The following HOMER1 variants were observed in gnomAD, a reference collection of about 807,000 sequenced individuals.
HOMER1 encodes homer scaffold protein 1.
HOMER1 carries 3 observed loss-of-function variants against 48.9 expected under a neutral mutation model. The ratio of observed to expected loss-of-function variants is 0.06; its 90% CI spans 0.03 to 0.16. The LOEUF (loss-of-function observed/expected upper bound fraction) is 0.16, where lower values mean the gene tolerates loss of function less well. Among genes scored for constraint, HOMER1 ranks in the 10% least tolerant of loss-of-function variants. The probability of loss-of-function intolerance (pLI) is 1.00; values close to 1 mark genes in which losing one functional copy is unlikely to be tolerated. For synonymous variants in HOMER1, 134 were observed against 146.4 expected (o/e 0.92, Z 0.61); for missense variants, 247 against 411.4 (o/e 0.60, Z 3.46).
intron 8 of HOMER1, among the ~76,000 whole-genome samples, chr5:79,396,216 A>G (rs1055083479): frequency 2.6e-5 from 4 of 152,134 alleles, no homozygotes; most frequent in African/African-American, 9.7e-5. Flanking sequence ...AAAATTAATT[A>G]CACTGAAGAA....
intron 1 of HOMER1, among the ~76,000 whole-genome samples, chr5:79,489,904 A>G (rs894501397): frequency 2.0e-5 from 3 of 152,188 alleles, no homozygotes; most frequent in Non-Finnish European, 4.4e-5. Flanking sequence ...CAAGATCTAT[A>G]AAGACTGACT....
At chr5:79,484,645 G>C (rs1378471382) in intron 1 of HOMER1, among the ~76,000 whole-genome samples, 2 of 152,146 alleles carry the variant, frequency 1.3e-5, no homozygotes, top group Non-Finnish European at 1.5e-5. Context: ...AAACCATTTT[G>C]AAGACCACCT....
chr5:79,505,134 C>G (rs536293896), intron 1 of HOMER1, among the ~76,000 whole-genome samples: 1 of 152,186 alleles, frequency 6.6e-6, no homozygotes, highest in East Asian at 1.9e-4. Context: ...GGTGGTGCAC[C>G]TGTAGTCCCA....
chr5:79,433,966 T>C (rs138222004), intron 5 of HOMER1, among the ~76,000 whole-genome samples: 511 of 152,296 alleles, frequency 3.4e-3, no homozygotes, highest in Non-Finnish European at 4.5e-3. Context: ...AGAAGGTACA[T>C]GCAATATCCC....
intron 3 of HOMER1, 63 bp from the exon 4 acceptor site, chr5:79,447,208 C>G (rs1750908886): frequency 1.0e-6 from 1 of 966,808 alleles, no homozygotes; most frequent in Non-Finnish European, 1.7e-6. Flanking sequence ...CCACTTTTAC[C>G]TTAGTAAAGT....
chr5:79,460,238 G>A (rs545542990), intron 1 of HOMER1, among the ~76,000 whole-genome samples: 1 of 152,252 alleles, frequency 6.6e-6, no homozygotes, highest in East Asian at 1.9e-4. Context: ...AGGCCAAGCT[G>A]GGCTGATCAC....
At chr5:79,470,536 A>G (rs1307118602) in intron 1 of HOMER1, among the ~76,000 whole-genome samples, 1 of 152,254 alleles carries the variant, frequency 6.6e-6, no homozygotes, top group African/African-American at 2.4e-5. Flanking sequence ...AAAGTCACAC[A>G]GCTAGCAAAT....
chr5:79,464,272 A>G (rs1254021888), intron 1 of HOMER1, among the ~76,000 whole-genome samples: 1 of 152,204 alleles, frequency 6.6e-6, no homozygotes, highest in Non-Finnish European at 1.5e-5. Context: ...TAACTGTAGG[A>G]CTACAGGTGC....
At chr5:79,504,564 T>C (rs1005808577) in intron 1 of HOMER1, among the ~76,000 whole-genome samples, 16 of 152,186 alleles carry the variant, frequency 1.1e-4, no homozygotes, top group African/African-American at 3.6e-4. Context: ...TATGAGTATT[T>C]TGAGGTCTTT....
chr5:79,378,223 A>T (rs1431828440), intron 8 of HOMER1, among the ~76,000 whole-genome samples: 2 of 113,198 alleles, frequency 1.8e-5, no homozygotes, highest in African/African-American at 7.6e-5. Flanking sequence ...ACTCTGTCTC[A>T]AAAAAAAAAA....
At position 79,497,662 on chromosome 5, in the gene HOMER1, GAAA is replaced by G. The variant is rs1212983044; in HGVS notation, c.5+15105_5+15107del. ...AGACAGAGTAAGGCTCTGTCTCAAA[GAAA>G]AAAAAAAAAAAAAAAAAGGCAGCTT... On this transcript the variant is annotated intron_variant, in intron 1 of 8. Coordinates refer to ENST00000334082, the MANE Select transcript of HOMER1 (RefSeq NM_004272.5). Among the ~76,000 whole-genome samples the G allele has an allele frequency of 8.4e-3, 616 of 73,094 alleles. 4 individuals are homozygous for G. The highest frequency in any genetic ancestry group is 0.027 in the African/African-American group (588 of 21,684). 48.0% of individuals were successfully genotyped at this position (73,094 alleles called of 152,430 possible).
intron 1 of HOMER1, among the ~76,000 whole-genome samples, chr5:79,478,820 T>G (rs1280353510): frequency 6.6e-6 from 1 of 151,992 alleles, no homozygotes; most frequent in Non-Finnish European, 1.5e-5. Context: ...GGTATGATGG[T>G]GGGTGCCTGT....
intron 3 of HOMER1, among the ~76,000 whole-genome samples, chr5:79,447,502 T>C (rs1270511711): frequency 2.0e-5 from 3 of 152,288 alleles, no homozygotes; most frequent in Middle Eastern, 3.4e-3. Flanking sequence ...ATGTTTATCA[T>C]TGAGAAAACT....
intron 8 of HOMER1, among the ~76,000 whole-genome samples, chr5:79,389,898 C>T (rs1446629418): frequency 6.6e-6 from 1 of 151,680 alleles, no homozygotes; most frequent in Non-Finnish European, 1.5e-5. Flanking sequence ...ATAATGCAAC[C>T]AAAAAACAGG....
chr5:79,494,700 C>A (rs1752375568), intron 1 of HOMER1, among the ~76,000 whole-genome samples: 1 of 152,202 alleles, frequency 6.6e-6, no homozygotes. Context: ...GAAACTCTAT[C>A]CCTACTAAAA....
chr5:79,410,363 T>C (rs1185698677), intron 5 of HOMER1, among the ~76,000 whole-genome samples: 2 of 151,862 alleles, frequency 1.3e-5, no homozygotes, highest in Non-Finnish European at 2.9e-5. Flanking sequence ...TGGTGGCGCA[T>C]GCCTGTAATC....
At chr5:79,452,020 G>A (rs996369985) in intron 2 of HOMER1, among the ~76,000 whole-genome samples, 12 of 152,080 alleles carry the variant, frequency 7.9e-5, no homozygotes, top group Non-Finnish European at 1.3e-4. Flanking sequence ...CTAGACTTGG[G>A]AGATTGGTTC....
At position 79,412,300 on chromosome 5, in the gene HOMER1, C is replaced by T. The variant is rs543527773; in HGVS notation, c.528-10245G>A. 1.1e-4 allele frequency among the ~76,000 whole-genome samples: 16 copies of T among 152,188 alleles called. 1 individual carries two copies. In the South Asian group the frequency reaches 2.5e-3, roughly 24 times the overall value. ...TCACTTCCTATTCCAGAACTGTGAA[C>T]GCAGAAGCAACCAATATTGACTTAA... On this transcript the variant is annotated intron_variant, in intron 5 of 8. Coordinates refer to ENST00000334082, the MANE Select transcript of HOMER1 (RefSeq NM_004272.5).
chr5:79,429,740 T>C (rs1221806784), intron 5 of HOMER1, among the ~76,000 whole-genome samples: 2 of 152,248 alleles, frequency 1.3e-5, no homozygotes, highest in Middle Eastern at 3.4e-3. Flanking sequence ...ATTTAAAACA[T>C]TGGCTGGGCG....
Sources: allele counts gnomAD v4.1 joint callset (sites outside exome capture counted in the v4.1 genomes callset), GRCh38; gene constraint gnomAD v4.1.1; transcripts MANE v1.5; gene names NCBI Gene and HGNC (gene_info 2026-07-23, HGNC 2026-07-21).